PI4KA: variants seen among roughly 807,000 people sequenced by gnomAD.
PI4KA encodes PI4-kinase alpha.
A neutral mutation model predicts 271.4 loss-of-function variants in PI4KA; 122 were observed. The ratio of observed to expected loss-of-function variants is 0.45; its 90% CI spans 0.39 to 0.52. PI4KA has a LOEUF of 0.52. PI4KA is among the 20% of genes least tolerant of loss of function. The pLI is 0.00. For missense variants in PI4KA, 1,969 were observed against 2,769.1 expected, an observed-to-expected ratio of 0.71 and a Z score of 6.48; for synonymous variants, 1,041 against 1,078.8, an observed-to-expected ratio of 0.96 and a Z score of 0.69.
intron 30 of PI4KA, among the ~76,000 whole-genome samples, chr22:20,744,052 TCAAAAA>T (rs373571556): frequency 1.1e-3 from 161 of 152,182 alleles, no homozygotes; most frequent in African/African-American, 3.6e-3. Flanking sequence ...AGACTCTGTC[TCAAAAA>T]CAAAAACAAA....
intron 36 of PI4KA, among the ~76,000 whole-genome samples, chr22:20,730,663 C>T (rs553091433): frequency 3.3e-5 from 5 of 152,014 alleles, no homozygotes; most frequent in East Asian, 1.9e-4. Context: ...CTCTGCCTCC[C>T]GGGTTTAAGC....
At chr22:20,739,989 G>A (rs1429226847) in intron 32 of PI4KA, among the ~76,000 whole-genome samples, 1 of 145,000 alleles carries the variant, frequency 6.9e-6, no homozygotes, top group African/African-American at 2.6e-5. Context: ...TTGAACCCAC[G>A]AGGCGGAGGT....
intron 19 of PI4KA, among the ~76,000 whole-genome samples, chr22:20,772,688 C>A (rs1932930814): frequency 6.6e-6 from 1 of 152,226 alleles, no homozygotes; most frequent in Non-Finnish European, 1.5e-5. Context: ...CCGACACTCC[C>A]AAACATGCTC....
Position 20,707,916 on chromosome 22 carries a change from G to A in PI4KA, c.*131C>T, listed in dbSNP as rs1414519926. On this transcript the variant is annotated 3_prime_UTR_variant, in exon 55 of 55. Coordinates refer to ENST00000255882, the MANE Select transcript of PI4KA (RefSeq NM_058004.4). ...CCACCCACGTGCTGCCCCAGGAGGCGCTACCAGGTTCTTTGGGCCACAGGC... is the reference window on the plus strand; with the variant it reads ...CCACCCACGTGCTGCCCCAGGAGGCACTACCAGGTTCTTTGGGCCACAGGC... 4.7e-6 allele frequency: 4 copies of A among 844,238 alleles called. No homozygotes were observed. The highest frequency in any genetic ancestry group is 6.2e-6 in the Non-Finnish European group (3 of 480,900). 52.3% of individuals were successfully genotyped at this position (844,238 alleles called of 1,614,324 possible). A position where few individuals can be genotyped will look rare whatever the true frequency, so the allele number is the denominator to read the frequency against.
Position 20,712,485 on chromosome 22 carries a change from C to T in PI4KA, c.5802+1G>A. On this transcript the variant is annotated splice_donor_variant, in intron 50 of 54. Transcript: ENST00000255882. LOFTEE classifies it high-confidence loss of function. ...CCCCGGCCTGTGGCCACCCTGGCTA[C>T]CTGCTGGAAGGCCAGAGTGGACTCA... is the stretch of plus-strand genomic sequence containing the variant. 1.2e-6 allele frequency: 2 copies of T among 1,608,040 alleles called. No homozygotes were observed. The highest frequency in any genetic ancestry group is 8.5e-7 in the Non-Finnish European group (1 of 1,178,018).
chr22:20,835,898 A>T (rs1924802064), intron 2 of PI4KA, among the ~76,000 whole-genome samples: 1 of 151,768 alleles, frequency 6.6e-6, no homozygotes, highest in South Asian at 2.1e-4. Flanking sequence ...AATACAAAAA[A>T]TTAGCCAGGC....
chr22:20,848,322 C>G (rs1354938031), intron 1 of PI4KA, among the ~76,000 whole-genome samples: 1 of 151,706 alleles, frequency 6.6e-6, no homozygotes, highest in African/African-American at 2.4e-5. Context: ...CTGTCAAAAC[C>G]CTAGGTGAGT....
chr22:20,835,708 C>A (rs757751681), intron 2 of PI4KA, among the ~76,000 whole-genome samples: 2 of 150,494 alleles, frequency 1.3e-5, no homozygotes, highest in African/African-American at 4.9e-5. Context: ...CTCCAGCCTG[C>A]GCAAGAGAGT....
chr22:20,796,274 C>T lies in PI4KA; in HGVS notation c.2149G>A (p.Ala717Thr), dbSNP rs1280930885. The T allele has an allele frequency of 2.5e-6, 4 of 1,613,860 alleles. No homozygotes were observed. Among genetic ancestry groups the T allele is most frequent in the East Asian group, 2.2e-5 (1 of 44,878 alleles). The change falls in exon 18 of 55, where the codon GCG (alanine) becomes ACG (threonine). Residue 717 changes from alanine to threonine, a missense_variant. Transcript: ENST00000255882. ...AGGTGCTCGTCTTGGATGTTGGCCGCGATGTTGGCCAGGGCATTAATCACT... is the reference window on the plus strand; with the variant it reads ...AGGTGCTCGTCTTGGATGTTGGCCGTGATGTTGGCCAGGGCATTAATCACT... ...LAVINALANI[A>T]ANIQDEHLVD... is the part of the protein sequence containing the mutation.
chr22:20,731,057 T>C (rs1927982156), intron 36 of PI4KA, among the ~76,000 whole-genome samples: 1 of 152,064 alleles, frequency 6.6e-6, no homozygotes, highest in Admixed American at 6.5e-5. Context: ...CATGTGTCTG[T>C]AGTCTTAGCT....
At chr22:20,751,398 C>T (rs1382874659) in intron 26 of PI4KA, 22 bp from the exon 27 acceptor site, 2 of 1,604,034 alleles carry the variant, frequency 1.2e-6, no homozygotes, top group Admixed American at 3.4e-5. Context: ...GCAAGACTCC[C>T]TCTTCCAAAC....
intron 41 of PI4KA, 29 bp from the exon 42 acceptor site, chr22:20,726,570 A>G: frequency 1.3e-6 from 2 of 1,572,398 alleles, no homozygotes; most frequent in Non-Finnish European, 1.7e-6. Context: ...GTTGGCCATG[A>G]CTTCTGAGAG....
chr22:20,762,508 G>A (rs1432507758), intron 22 of PI4KA, among the ~76,000 whole-genome samples: 4 of 152,242 alleles, frequency 2.6e-5, no homozygotes, highest in African/African-American at 7.2e-5. Context: ...TATGGGCTGC[G>A]TCTTAGAGTC....
Position 20,712,738 on chromosome 22 carries a change from C to T in PI4KA, c.5631G>A (p.Leu1877=), listed in dbSNP as rs1925472817. 1 of 1,551,246 alleles carries T rather than the reference C, an allele frequency of 6.4e-7. No homozygotes were observed. The highest frequency in any genetic ancestry group is 1.2e-5 in the South Asian group (1 of 84,114). ...CGCGGTAGGGAAAAACAAAGAGGTC[C>T]AGGCCGACCAGCTGGAAGATGTTCT... is the stretch of plus-strand genomic sequence containing the variant. ...LFKNIFQLVG[L]DLFVFPYRVV... Residue 1877 remains leucine (L), a synonymous_variant, in exon 49 of 55, where the codon CTG becomes CTA. Coordinates refer to ENST00000255882, the MANE Select transcript of PI4KA (RefSeq NM_058004.4).
Position 20,765,707 on chromosome 22 carries a change from A to T in PI4KA, c.2329-14T>A, listed in dbSNP as rs73161000. ...TCGTCGGGTGAGCTGATGTGCCAAG[A>T]AGAGAGGGAGAAAGGAGGTTATTTG... On this transcript the variant is annotated splice_polypyrimidine_tract_variant and intron_variant, in intron 19 of 54. Transcript: ENST00000255882. The T allele has an allele frequency of 0.073, 114,094 of 1,567,754 alleles. 4,184 individuals carry two copies. The highest frequency in any genetic ancestry group is 0.076 in the Non-Finnish European group (87,021 of 1,138,394).
intron 45 of PI4KA, among the ~76,000 whole-genome samples, chr22:20,716,447 G>A (rs1164078897): frequency 1.3e-5 from 2 of 152,180 alleles, no homozygotes; most frequent in Non-Finnish European, 2.9e-5. Context: ...GTCCCCAAGG[G>A]GGATGTGTGC....
chr22:20,710,126 T>A, intron 52 of PI4KA, 129 bp from the exon 53 acceptor site: 1 of 684,420 alleles, frequency 1.5e-6, no homozygotes, highest in Non-Finnish European at 2.7e-6. Flanking sequence ...GCCTGCCACA[T>A]CTTGCACATC....
chr22:20,717,516 G>A (rs933897583), intron 45 of PI4KA, among the ~76,000 whole-genome samples, 192 bp downstream of exon 45: 2 of 152,282 alleles, frequency 1.3e-5, no homozygotes, highest in African/African-American at 2.4e-5. Flanking sequence ...AGCAGCTCCC[G>A]CTCACTAGCG....
intron 51 of PI4KA, 74 bp from the exon 52 acceptor site, chr22:20,710,932 G>A (rs1925192687): frequency 6.4e-7 from 1 of 1,561,156 alleles, no homozygotes; most frequent in Non-Finnish European, 8.8e-7. Context: ...CTGTTTTGAG[G>A]AGTGGAAAAG....
Sources: allele counts gnomAD v4.1 joint callset (sites outside exome capture counted in the v4.1 genomes callset), GRCh38; gene constraint gnomAD v4.1.1; transcripts MANE v1.5; gene names NCBI Gene and HGNC (gene_info 2026-07-23, HGNC 2026-07-21).